KAZN: variants seen among roughly 807,000 people sequenced by gnomAD.
KAZN encodes kazrin, periplakin interacting protein.
In KAZN, 40 loss-of-function variants were observed where a neutral mutation model predicts 87.4. The ratio of observed to expected loss-of-function variants is 0.46; its 90% CI spans 0.36 to 0.60. The LOEUF is 0.60. Among genes scored for constraint, KAZN ranks in the 20% least tolerant of loss-of-function variants. KAZN has a pLI of 0.00. For synonymous variants in KAZN, 466 were observed against 458.3 expected (o/e 1.02, Z -0.22); for missense variants, 898 against 1,073.9 (o/e 0.84, Z 2.29).
intron 2 of KAZN, among the ~76,000 whole-genome samples, chr1:14,189,049 A>G (rs1048466839): frequency 3.3e-5 from 5 of 152,154 alleles, no homozygotes; most frequent in African/African-American, 1.2e-4. Context: ...AAGTGTCGTC[A>G]TTTAAATCTG....
intron 1 of KAZN, among the ~76,000 whole-genome samples, chr1:14,651,862 C>T (rs969747794): frequency 2.5e-4 from 38 of 152,186 alleles, no homozygotes; most frequent in African/African-American, 7.0e-4. Flanking sequence ...GCTTCCTACT[C>T]GCCTTCTAAC....
intron 1 of KAZN, among the ~76,000 whole-genome samples, chr1:14,157,976 C>T (rs891883602): frequency 6.6e-6 from 1 of 152,130 alleles, no homozygotes; most frequent in Non-Finnish European, 1.5e-5. Context: ...GAAAACCACC[C>T]TCATGAGCCA....
chr1:14,695,510 C>CTTTTTTTTTTTTTTTTGTTTTTTTTTTTT (rs112667110), intron 1 of KAZN, among the ~76,000 whole-genome samples: 1 of 85,048 alleles, frequency 1.2e-5, no homozygotes, highest in Admixed American at 1.2e-4. Context: ...TACATTCCAT[C>CTTTTTTTTTTTTTTTTGTTTTTTTTTTTT]TTTTTTTTTT....
chr1:14,726,452 T>C (rs1302149762), intron 1 of KAZN, among the ~76,000 whole-genome samples: 3 of 152,136 alleles, frequency 2.0e-5, no homozygotes, highest in African/African-American at 7.2e-5. Context: ...GGGTGTGTGC[T>C]CTCCCCCAGG....
intron 1 of KAZN, among the ~76,000 whole-genome samples, chr1:14,732,846 C>G (rs1643739715): frequency 6.6e-6 from 1 of 152,054 alleles, no homozygotes; most frequent in Admixed American, 6.6e-5. Context: ...GTGCCATAAA[C>G]TGAGAAAATA....
intron 1 of KAZN, among the ~76,000 whole-genome samples, chr1:13,963,759 CTGTGTGTGTGTGTGTG>C (rs70987708): frequency 0.23 from 32,337 of 142,002 alleles, 3,543 homozygotes; most frequent in African/African-American, 0.26. Flanking sequence ...CTGCTGTGGT[CTGTGTGTGTGTGTGTG>C]TGTGTGTGTG....
intron 8 of KAZN, chr1:15,067,246 G>C: frequency 1.0e-6 from 1 of 985,522 alleles, no homozygotes; most frequent in Non-Finnish European, 1.2e-6. Context: ...ATTCTGGTTG[G>C]TTCCATCAGC....
At chr1:14,413,353 G>A (rs1258711878) in intron 2 of KAZN, among the ~76,000 whole-genome samples, 1 of 151,978 alleles carries the variant, frequency 6.6e-6, no homozygotes, top group African/African-American at 2.4e-5. Context: ...CACTTTGAGA[G>A]GCTGAGGCGG....
At chr1:14,560,765 A>G (rs1283189125) in intron 2 of KAZN, among the ~76,000 whole-genome samples, 1 of 152,110 alleles carries the variant, frequency 6.6e-6, no homozygotes, top group Non-Finnish European at 1.5e-5. Context: ...AGAAGGAGTA[A>G]AGATGGAGAA....
intron 2 of KAZN, among the ~76,000 whole-genome samples, chr1:14,402,619 G>A (rs74057198): frequency 0.027 from 4,033 of 152,156 alleles, 92 homozygotes; most frequent in South Asian, 0.097. Flanking sequence ...ATTTTTAAAT[G>A]AAACTAGACA....
intron 1 of KAZN, among the ~76,000 whole-genome samples, chr1:14,795,389 ATCTCTTCTGTG>A (rs972098862): frequency 2.1e-4 from 32 of 151,960 alleles, no homozygotes; most frequent in Non-Finnish European, 4.0e-4. Context: ...CCTAGATGTA[ATCTCTTCTGTG>A]TCAGGCACAT....
At chr1:14,384,348 C>T (rs1661664982) in intron 2 of KAZN, among the ~76,000 whole-genome samples, 1 of 152,064 alleles carries the variant, frequency 6.6e-6, no homozygotes, top group African/African-American at 2.4e-5. Flanking sequence ...ACTTCCAACA[C>T]TATGTTGAAT....
At chr1:14,239,068 T>A (rs1030245744) in intron 2 of KAZN, among the ~76,000 whole-genome samples, 6 of 152,186 alleles carry the variant, frequency 3.9e-5, no homozygotes, top group African/African-American at 1.4e-4. Flanking sequence ...TCCTCTCTCT[T>A]TCTTTCTGGC....
intron 2 of KAZN, among the ~76,000 whole-genome samples, chr1:14,416,683 G>A (rs1664788972): frequency 6.6e-6 from 1 of 151,994 alleles, no homozygotes. Context: ...GTTGCAGTGA[G>A]CTGAGATCAC....
intron 4 of KAZN, among the ~76,000 whole-genome samples, chr1:15,048,146 C>A (rs1008740102): frequency 9.2e-5 from 14 of 152,234 alleles, no homozygotes; most frequent in Admixed American, 1.3e-4. Context: ...CGTCCCTCCC[C>A]CCATGTCCTG....
At chr1:14,182,766 T>G (rs1053056125) in intron 2 of KAZN, among the ~76,000 whole-genome samples, 1 of 152,192 alleles carries the variant, frequency 6.6e-6, no homozygotes, top group African/African-American at 2.4e-5. Flanking sequence ...TAACACTGCT[T>G]CTTCTCTCAA....
At chr1:14,683,135 T>C (rs898831859) in intron 1 of KAZN, among the ~76,000 whole-genome samples, 2 of 152,126 alleles carry the variant, frequency 1.3e-5, no homozygotes, top group Non-Finnish European at 2.9e-5. Context: ...CCATTTAGAC[T>C]CTGACCCTCA....
chr1:14,551,418 A>G (rs549762872), intron 2 of KAZN, among the ~76,000 whole-genome samples: 1 of 152,328 alleles, frequency 6.6e-6, no homozygotes, highest in African/African-American at 2.4e-5. Context: ...GGACATCTCT[A>G]TTTACGCAGC....
rs571439829 is a variant in KAZN, at chr1:14,279,631, A to T, written c.249+99039A>T. Among the ~76,000 whole-genome samples, 3 of 152,342 alleles carry T rather than the reference A, an allele frequency of 2.0e-5. No homozygotes were observed. In the East Asian group the frequency reaches 5.8e-4, roughly 29 times the overall value. ...GTATGAACAAATCATTTTCTTTATCAGAAAACAAAGATAAGGATGCCCGTC... is the reference window on the plus strand; with the variant it reads ...GTATGAACAAATCATTTTCTTTATCTGAAAACAAAGATAAGGATGCCCGTC... On this transcript the variant is annotated intron_variant, in intron 2 of 16. Transcript: ENST00000636203.
Sources: allele counts gnomAD v4.1 joint callset (sites outside exome capture counted in the v4.1 genomes callset), GRCh38; gene constraint gnomAD v4.1.1; transcripts MANE v1.5; gene names NCBI Gene and HGNC (gene_info 2026-07-23, HGNC 2026-07-21).